The following FAM149B1 variants were observed in gnomAD, a reference collection of about 807,000 sequenced individuals.
FAM149B1 encodes primary cilium assembly protein FAM149B1.
In FAM149B1, 56 loss-of-function variants were observed where a neutral mutation model predicts 75.3. The observed-to-expected ratio is 0.74, with a 90% CI of 0.60 to 0.93. The LOEUF (loss-of-function observed/expected upper bound fraction) is 0.93, where lower values mean the gene tolerates loss of function less well. Ranked by LOEUF, FAM149B1 falls within the 40% of genes least tolerant of loss-of-function variation. The pLI is 0.00. For synonymous variants in FAM149B1, 259 were observed against 256.1 expected, an observed-to-expected ratio of 1.01 and a Z score of -0.11; for missense variants, 639 against 708.4, an observed-to-expected ratio of 0.90 and a Z score of 1.11.
intron 7 of FAM149B1, among the ~76,000 whole-genome samples, chr10:73,216,195 C>A (rs563505698): frequency 6.6e-6 from 1 of 152,256 alleles, no homozygotes; most frequent in Non-Finnish European, 1.5e-5. Context: ...AAGTCTGTTT[C>A]ATCTGCTATA....
chr10:73,216,103 T>G (rs2043292280), intron 7 of FAM149B1, among the ~76,000 whole-genome samples: 1 of 149,920 alleles, frequency 6.7e-6, no homozygotes, highest in African/African-American at 2.5e-5. Context: ...CATATATATT[T>G]AGGATTGTTA....
chr10:73,230,473 G>C lies in FAM149B1; in HGVS notation c.1075G>C (p.Val359Leu), dbSNP rs1445155087. The C allele has an allele frequency of 2.6e-6, 4 of 1,550,454 alleles. No homozygotes were observed. Among genetic ancestry groups the C allele is most frequent in the East Asian group, 2.4e-5 (1 of 40,926 alleles). The change falls in exon 9 of 14, where the codon GTT (valine) becomes CTT (leucine). Residue 359 changes from valine (V) to leucine (L), a missense_variant. By Grantham distance (32) the Val-to-Leu change is conservative (BLOSUM62 1). Transcript: ENST00000242505. ...RHQPNVNDLLVHGMPLQPRNL... is the reference protein window; with the variant it reads ...RHQPNVNDLLLHGMPLQPRNL... ...TCAGCCAAATGTGAATGATCTCTTG[G>C]TTCATGGAATGCCTCTACAGCCAAG...
At chr10:73,179,485 C>T (rs1321456668) in intron 3 of FAM149B1, among the ~76,000 whole-genome samples, 1 of 151,994 alleles carries the variant, frequency 6.6e-6, no homozygotes, top group Non-Finnish European at 1.5e-5. Flanking sequence ...GCAATCATAG[C>T]TCACTGCAGC....
intron 8 of FAM149B1, 128 bp downstream of exon 8, chr10:73,228,312 T>A: frequency 1.4e-6 from 1 of 724,542 alleles, no homozygotes; most frequent in Non-Finnish European, 2.3e-6. Context: ...GTGTTTATCA[T>A]AATAATCCAG....
At chr10:73,232,166 G>A (rs561745568) in intron 9 of FAM149B1, among the ~76,000 whole-genome samples, 9 of 152,108 alleles carry the variant, frequency 5.9e-5, no homozygotes, top group South Asian at 2.1e-4. Flanking sequence ...TTAATTGTGC[G>A]GATACTCTTA....
chr10:73,191,597 G>A (rs918148753), intron 3 of FAM149B1, among the ~76,000 whole-genome samples: 2 of 151,392 alleles, frequency 1.3e-5, no homozygotes, highest in Admixed American at 6.6e-5. Flanking sequence ...CCTTGGCCTC[G>A]CAAAGTGCTG....
At chr10:73,211,695 C>T (rs1296676997) in intron 7 of FAM149B1, among the ~76,000 whole-genome samples, 1 of 152,222 alleles carries the variant, frequency 6.6e-6, no homozygotes, top group Admixed American at 6.5e-5. Flanking sequence ...GAAGAAAAAT[C>T]ATGTGCAAGT....
chr10:73,233,917 T>C (rs1215432442), intron 10 of FAM149B1, among the ~76,000 whole-genome samples: 1 of 152,200 alleles, frequency 6.6e-6, no homozygotes, highest in Non-Finnish European at 1.5e-5. Context: ...CTCAGATAAG[T>C]AGTTGCTTAC....
At chr10:73,207,633 C>A (rs1368101949) in intron 5 of FAM149B1, among the ~76,000 whole-genome samples, 1 of 152,074 alleles carries the variant, frequency 6.6e-6, no homozygotes, top group Non-Finnish European at 1.5e-5. Context: ...ATGAGAGCAA[C>A]CTTGGGAGCT....
At chr10:73,202,144 G>A (rs768563167) in intron 5 of FAM149B1, among the ~76,000 whole-genome samples, 1 of 152,116 alleles carries the variant, frequency 6.6e-6, no homozygotes, top group Non-Finnish European at 1.5e-5. Flanking sequence ...CAGCCTGGGC[G>A]ACAGAGCGAG....
At chr10:73,172,138 G>T (rs565600090) in intron 1 of FAM149B1, among the ~76,000 whole-genome samples, 10 of 152,260 alleles carry the variant, frequency 6.6e-5, no homozygotes, top group Non-Finnish European at 1.3e-4. Context: ...ACTAAAAAAT[G>T]TCTTAAGTCT....
intron 3 of FAM149B1, among the ~76,000 whole-genome samples, chr10:73,190,290 C>A (rs2042649756): frequency 1.3e-5 from 2 of 149,088 alleles, no homozygotes; most frequent in African/African-American, 2.5e-5. Flanking sequence ...AAAAGTCTAT[C>A]AGGTGAAAGA....
chr10:73,193,141 C>T (rs1009387791), intron 4 of FAM149B1, among the ~76,000 whole-genome samples: 2 of 152,158 alleles, frequency 1.3e-5, no homozygotes, highest in Admixed American at 6.5e-5. Context: ...GAATATAATT[C>T]GTAGTTTTTA....
intron 12 of FAM149B1, among the ~76,000 whole-genome samples, chr10:73,237,760 A>C (rs1216315102): frequency 6.6e-6 from 1 of 151,578 alleles, no homozygotes; most frequent in African/African-American, 2.4e-5. Flanking sequence ...GTATCTCGCT[A>C]CATCACCCAG....
Position 73,208,607 on chromosome 10 carries a change from T to A in FAM149B1, c.543-12T>A. On this transcript the variant is annotated splice_polypyrimidine_tract_variant and intron_variant, in intron 5 of 13. Transcript: ENST00000242505. ...TACATAATTAATATTTACTTCTTTTTTCCACTCCAAGATTTGGTATAAGGG... is the reference window on the plus strand; with the variant it reads ...TACATAATTAATATTTACTTCTTTTATCCACTCCAAGATTTGGTATAAGGG... 6.7e-7 allele frequency: 1 copy of A among 1,482,170 alleles called. No homozygotes were observed. Among genetic ancestry groups the A allele is most frequent in the East Asian group, 2.5e-5 (1 of 39,798 alleles). 91.8% of individuals were successfully genotyped at this position (1,482,170 alleles called of 1,614,324 possible).
At chr10:73,184,048 T>C (rs1360941202) in intron 3 of FAM149B1, among the ~76,000 whole-genome samples, 2 of 152,164 alleles carry the variant, frequency 1.3e-5, no homozygotes, top group African/African-American at 4.8e-5. Flanking sequence ...CAGGAGGCCT[T>C]GATAAGCTTT....
intron 12 of FAM149B1, among the ~76,000 whole-genome samples, chr10:73,237,656 A>C (rs2043850695): frequency 6.6e-6 from 1 of 152,150 alleles, no homozygotes; most frequent in African/African-American, 2.4e-5. Flanking sequence ...TTCTGACCCC[A>C]AGTGATCCAC....
rs368429486 is a variant in FAM149B1, at chr10:73,195,967, T to C, written c.542+2374T>C. ...TTTAATGTAACAACTACTTTGTTCA[T>C]ACTTTATATTTTCACTCGAGTACCA... On this transcript the variant is annotated intron_variant, in intron 5 of 13. Coordinates refer to ENST00000242505, the MANE Select transcript of FAM149B1 (RefSeq NM_173348.2). 9.2e-5 allele frequency among the ~76,000 whole-genome samples: 14 copies of C among 152,356 alleles called. No homozygotes were observed. In the East Asian group the frequency reaches 2.3e-3, roughly 25 times the overall value.
In FAM149B1 at chr10:73,168,384, GC is replaced by G; in HGVS notation, c.46del (p.Leu16Ter). The G allele has an allele frequency of 6.5e-7, 1 of 1,549,984 alleles. No homozygotes were observed. Among genetic ancestry groups the G allele is most frequent in the Non-Finnish European group, 8.7e-7 (1 of 1,146,826 alleles). ...TRKAVPQSLE[L>X]KGITKHALNH... ...GGAAGGCGGTGCCACAGAGCTTGGA[GC>G]TGTGAGTGGACTGCTCAGCCACCCC... is the stretch of plus-strand genomic sequence containing the variant. On this transcript the variant is annotated frameshift_variant and splice_region_variant, in exon 1 of 14. Coordinates refer to ENST00000242505, the MANE Select transcript of FAM149B1 (RefSeq NM_173348.2). LOFTEE classifies it high-confidence loss of function.
Sources: allele counts gnomAD v4.1 joint callset (sites outside exome capture counted in the v4.1 genomes callset), GRCh38; gene constraint gnomAD v4.1.1; transcripts MANE v1.5; gene names NCBI Gene and HGNC (gene_info 2026-07-23, HGNC 2026-07-21).